TMEM131: variants seen among roughly 807,000 people sequenced by gnomAD.
The protein encoded by TMEM131 is transmembrane protein 131, also known as 2610524E03Rik.
A neutral mutation model predicts 211.6 loss-of-function variants in TMEM131; 66 were observed. The ratio of observed to expected loss-of-function variants is 0.31; its 90% CI spans 0.26 to 0.38. The LOEUF is 0.38. Ranked by LOEUF, TMEM131 falls within the 10% of genes least tolerant of loss-of-function variation. The probability of loss-of-function intolerance (pLI) is 1.00; values close to 1 mark genes in which losing one functional copy is unlikely to be tolerated. For synonymous variants in TMEM131, 844 were observed against 841.3 expected (o/e 1.00, Z -0.06); for missense variants, 2,036 against 2,299.3 (o/e 0.89, Z 2.34).
chr2:97,804,209 A>G (rs1198322517), intron 22 of TMEM131, among the ~76,000 whole-genome samples: 2 of 152,194 alleles, frequency 1.3e-5, no homozygotes, highest in Non-Finnish European at 2.9e-5. Context: ...AGTACATGAA[A>G]AGATCAGATT....
intron 1 of TMEM131, among the ~76,000 whole-genome samples, chr2:97,981,056 A>AAAAAAAAAAAAAAAT (rs1679771612): frequency 7.7e-6 from 1 of 129,216 alleles, no homozygotes; most frequent in Non-Finnish European, 1.8e-5. Context: ...AAAAAAAAAA[A>AAAAAAAAAAAAAAAT]AAAAAAAAAA....
rs753306243 is a variant in TMEM131, at chr2:97,812,718, C to T, written c.1649G>A (p.Arg550His). The T allele has an allele frequency of 9.4e-6, 15 of 1,590,916 alleles. No homozygotes were observed. Among genetic ancestry groups the T allele is most frequent in the Non-Finnish European group, 1.2e-5 (14 of 1,173,114 alleles). ...ACTCAGTACTCCAAAATCTATGAAA[C>T]GTTCCTCTATTTTGGGGGGCAATAC... ...YFVLPPKIEE[R>H]FIDFGVLSAT... is the part of the protein sequence containing the mutation. Residue 550 changes from arginine (R) to histidine (H), a missense_variant, in exon 16 of 41, where the codon CGT (arginine) becomes CAT (histidine). Transcript: ENST00000186436.
At chr2:97,938,291 C>A (rs972754588) in intron 1 of TMEM131, among the ~76,000 whole-genome samples, 11 of 152,182 alleles carry the variant, frequency 7.2e-5, no homozygotes, top group South Asian at 2.1e-4. Context: ...CCCATCTCAC[C>A]TGCAGAGACA....
At chr2:97,944,907 TA>T (rs1235251872) in intron 1 of TMEM131, among the ~76,000 whole-genome samples, 1 of 152,110 alleles carries the variant, frequency 6.6e-6, no homozygotes, top group Non-Finnish European at 1.5e-5. Context: ...GGGTAGTTAT[TA>T]AAAAAACTAA....
At chr2:97,978,369 CT>C (rs1458037825) in intron 1 of TMEM131, among the ~76,000 whole-genome samples, 1 of 152,150 alleles carries the variant, frequency 6.6e-6, no homozygotes, top group Non-Finnish European at 1.5e-5. Context: ...AGAAGCAACT[CT>C]TCATTTGTTC....
intron 3 of TMEM131, among the ~76,000 whole-genome samples, chr2:97,893,661 AAT>A (rs1486818775): frequency 6.6e-6 from 1 of 152,160 alleles, no homozygotes; most frequent in Middle Eastern, 3.4e-3. Flanking sequence ...AGCTTTTTTA[AAT>A]ATGTTTGTTG....
intron 5 of TMEM131, among the ~76,000 whole-genome samples, chr2:97,849,827 T>C (rs1291749546): frequency 2.0e-5 from 3 of 151,422 alleles, no homozygotes; most frequent in Admixed American, 6.6e-5. Flanking sequence ...TCAGTGTTCA[T>C]GTTCCCCTGG....
intron 5 of TMEM131, among the ~76,000 whole-genome samples, chr2:97,850,187 T>C (rs1245031341): frequency 2.0e-5 from 3 of 151,570 alleles, no homozygotes; most frequent in Non-Finnish European, 4.4e-5. Context: ...TTTTATACCA[T>C]ACCAAGAATG....
chr2:97,766,735 C>A, intron 33 of TMEM131, 133 bp from the exon 34 acceptor site: 1 of 1,075,586 alleles, frequency 9.3e-7, no homozygotes, highest in South Asian at 1.5e-5. Flanking sequence ...GCGTTATCTA[C>A]CCTTGGTCCT....
chr2:97,775,226 T>G (rs1231582996), intron 32 of TMEM131, among the ~76,000 whole-genome samples: 1 of 152,196 alleles, frequency 6.6e-6, no homozygotes, highest in Non-Finnish European at 1.5e-5. Context: ...CTGCTCTTCC[T>G]GCTGTGATAA....
chr2:97,781,121 C>T (rs1559354864), intron 31 of TMEM131, among the ~76,000 whole-genome samples: 1 of 152,202 alleles, frequency 6.6e-6, no homozygotes, highest in Non-Finnish European at 1.5e-5. Flanking sequence ...CCTGAGATTG[C>T]CCCTTTCCAG....
At chr2:97,807,046 C>T (rs2104944934) in intron 19 of TMEM131, among the ~76,000 whole-genome samples, 1 of 152,330 alleles carries the variant, frequency 6.6e-6, no homozygotes, top group South Asian at 2.1e-4. Flanking sequence ...GATATAAATG[C>T]TGCTCTCACA....
chr2:97,963,160 T>C (rs1310765379), intron 1 of TMEM131, among the ~76,000 whole-genome samples: 1 of 152,208 alleles, frequency 6.6e-6, no homozygotes, highest in East Asian at 1.9e-4. Context: ...GTATGCAAAT[T>C]ATACCTCAAT....
intron 1 of TMEM131, among the ~76,000 whole-genome samples, chr2:97,952,339 T>C (rs985099136): frequency 6.6e-6 from 1 of 152,086 alleles, no homozygotes; most frequent in Admixed American, 6.5e-5. Flanking sequence ...TTCCCAAATT[T>C]GGTGAAAGAC....
At chr2:97,888,581 T>C (rs1675255466) in intron 3 of TMEM131, among the ~76,000 whole-genome samples, 1 of 152,190 alleles carries the variant, frequency 6.6e-6, no homozygotes, top group Non-Finnish European at 1.5e-5. Context: ...CTTCCAAGAA[T>C]TGAAATATCT....
chr2:97,910,354 T>C (rs1267607014), intron 2 of TMEM131, among the ~76,000 whole-genome samples: 1 of 152,118 alleles, frequency 6.6e-6, no homozygotes, highest in Admixed American at 6.6e-5. Flanking sequence ...AGAATTACCA[T>C]ACGACCCGCA....
At chr2:97,797,655 A>C (rs1232089827) in intron 25 of TMEM131, 139 bp from the exon 26 acceptor site, 3 of 690,248 alleles carry the variant, frequency 4.3e-6, no homozygotes, top group Non-Finnish European at 6.8e-6. Flanking sequence ...TCATGTTTAG[A>C]TATGGGTTAG....
At chr2:97,952,844 T>C (rs971576721) in intron 1 of TMEM131, among the ~76,000 whole-genome samples, 1 of 152,190 alleles carries the variant, frequency 6.6e-6, no homozygotes, top group Non-Finnish European at 1.5e-5. Flanking sequence ...TGCCACTCAC[T>C]GTACTCCTAC....
At chr2:97,849,761 G>A (rs1384257313) in intron 5 of TMEM131, among the ~76,000 whole-genome samples, 1 of 132,058 alleles carries the variant, frequency 7.6e-6, no homozygotes, top group Non-Finnish European at 1.5e-5. Context: ...GTGAATCCAC[G>A]AGGGTTGCGG....
Sources: allele counts gnomAD v4.1 joint callset (sites outside exome capture counted in the v4.1 genomes callset), GRCh38; gene constraint gnomAD v4.1.1; transcripts MANE v1.5; gene names NCBI Gene and HGNC (gene_info 2026-07-23, HGNC 2026-07-21).